POLR1C: variants seen among roughly 807,000 people sequenced by gnomAD.
POLR1C encodes DNA-directed RNA polymerases I and III subunit RPAC1.
In POLR1C, 42 loss-of-function variants were observed where a neutral mutation model predicts 38.3. The observed-to-expected ratio is 1.10, with a 90% CI of 0.86 to 1.42. The LOEUF is 1.42. Among genes scored for constraint, POLR1C ranks in the 40% most tolerant of loss-of-function variants. POLR1C has a pLI of 0.00. For missense variants in POLR1C, 507 were observed against 450.5 expected (o/e 1.13, Z -1.14); for synonymous variants, 163 against 163.9 (o/e 0.99, Z 0.04).
At chr6:43,533,825 T>C (rs2127711216), downstream of POLR1C, 2 of 1,047,842 alleles carry the variant, frequency 1.9e-6, no homozygotes, top group East Asian at 3.1e-5. Flanking sequence ...ACAGAGACTA[T>C]GACTCTTAAA....
chr6:43,536,263 A>C (rs1205279367), intron 9 of POLR1C, among the ~76,000 whole-genome samples: 3 of 151,772 alleles, frequency 2.0e-5, no homozygotes, highest in Non-Finnish European at 1.5e-5. Flanking sequence ...AAAAATATAA[A>C]AATTAGCCGG....
At chr6:43,531,287 CAT>C (rs953103420), downstream of POLR1C, among the ~76,000 whole-genome samples, 1 of 152,194 alleles carries the variant, frequency 6.6e-6, no homozygotes, top group African/African-American at 2.4e-5. Flanking sequence ...TTGTGAGGCT[CAT>C]ATGACAATTA....
intron 9 of POLR1C, among the ~76,000 whole-genome samples, chr6:43,545,461 CT>C (rs949549160): frequency 1.3e-5 from 2 of 151,994 alleles, no homozygotes; most frequent in African/African-American, 4.8e-5. Flanking sequence ...AGTCCCAGCA[CT>C]TTGGGAGGCC....
chr6:43,542,512 C>T (rs148404554), intron 9 of POLR1C, among the ~76,000 whole-genome samples: 345 of 152,160 alleles, frequency 2.3e-3, no homozygotes, highest in East Asian at 0.013. Flanking sequence ...CAAGTTCAAG[C>T]GATTCTCCTA....
At chr6:43,535,250 ACT>A (rs1794243515) in intron 9 of POLR1C, among the ~76,000 whole-genome samples, 2 of 150,414 alleles carry the variant, frequency 1.3e-5, no homozygotes, top group Admixed American at 6.6e-5. Context: ...ACAGAGCGAG[ACT>A]CTGTCTCAAA....
chr6:43,541,231 T>C (rs1275294188), intron 9 of POLR1C, among the ~76,000 whole-genome samples: 1 of 152,198 alleles, frequency 6.6e-6, no homozygotes, highest in Non-Finnish European at 1.5e-5. Context: ...ATTTTGATTG[T>C]ACATTTAAAA....
Position 43,517,309 on chromosome 6 carries a change from C to G in POLR1C, c.73C>G (p.His25Asp). 1 of 1,614,008 alleles carries G rather than the reference C, an allele frequency of 6.2e-7. No homozygotes were observed. Among genetic ancestry groups the G allele is most frequent in the Non-Finnish European group, 8.5e-7 (1 of 1,179,912 alleles). Residue 25 changes from histidine (H) to aspartate (D), a missense_variant, in exon 2 of 9, where the codon CAT becomes GAT. His to Asp is a moderately conservative substitution (Grantham distance 81). Transcript: ENST00000642195. The stretch of plus-strand genomic sequence containing the variant: ...CAAATTCGTCCCTTTGCTCTAGGTC[C>G]ATACTACTGACTTTCCCGGTAACTA... ...VLGEFGVRNVHTTDFPGNYSG... is the reference protein window; with the variant it reads ...VLGEFGVRNVDTTDFPGNYSG...
downstream of POLR1C, among the ~76,000 whole-genome samples, chr6:43,522,141 G>A (rs1214847826): frequency 6.6e-6 from 1 of 152,216 alleles, no homozygotes; most frequent in Non-Finnish European, 1.5e-5. Flanking sequence ...GACACTGTGA[G>A]AATGGTATGG....
intron 10 of POLR1C, chr6:43,560,121 A>G (rs1762338758): frequency 6.4e-7 from 1 of 1,572,010 alleles, no homozygotes; most frequent in Non-Finnish European, 8.7e-7. Flanking sequence ...ACCCAGCCTC[A>G]AAGTCTTATT....
rs1403352651 is a variant in POLR1C, at chr6:43,520,320, A to C, written c.548A>C (p.Asp183Ala). The C allele has an allele frequency of 1.2e-6, 2 of 1,613,148 alleles. No homozygotes were observed. Among genetic ancestry groups the C allele is most frequent in the Non-Finnish European group, 1.7e-6 (2 of 1,180,020 alleles). The stretch of plus-strand genomic sequence containing the variant: ...TGGATCCCCCTGGGGAACCAGGCTG[A>C]TCTCTTTCCAGAGGGCACTATCCGA... ...MTWIPLGNQA[D>A]LFPEGTIRPV... Residue 183 changes from aspartate to alanine, a missense_variant, in exon 6 of 9, where the codon GAT becomes GCT. Physicochemically the swap from Asp to Ala is moderately radical, Grantham distance 126. Transcript: ENST00000642195.
chr6:43,529,101 G>A lies in POLR1C; in HGVS notation c.923-148G>A, dbSNP rs914451551. The A allele has an allele frequency of 1.9e-5, 20 of 1,047,408 alleles. No homozygotes were observed. The African/African-American group carries it at 3.0e-4, about 16-fold the overall frequency. 64.9% of individuals were successfully genotyped at this position (1,047,408 alleles called of 1,614,324 possible). On this transcript the variant is annotated intron_variant, in intron 8 of 8. Coordinates refer to the POLR1C transcript ENST00000304004. ...TTTTCCTAAAATCCTAAATGGCACT[G>A]ATATTGAATTCCATTATACTCTTAG...
At chr6:43,519,947 A>G in intron 4 of POLR1C, 109 bp downstream of exon 4, 1 of 1,541,966 alleles carries the variant, frequency 6.5e-7, no homozygotes, top group Non-Finnish European at 8.8e-7. Context: ...TTCATCTGTG[A>G]GAACACTTGC....
In POLR1C at chr6:43,537,998, T is replaced by C. The variant is rs925035059; in HGVS notation, c.*4+8639T>C. 1.2e-4 allele frequency among the ~76,000 whole-genome samples: 18 copies of C among 148,478 alleles called. 1 individual carries two copies. Among genetic ancestry groups the C allele is most frequent in the East Asian group, 1.2e-3 (6 of 4,986 alleles). On this transcript the variant is annotated intron_variant, in intron 9 of 10. Transcript: ENST00000607635. ...CAGTCGAGAGGCTGAGGCAGGAGAA[T>C]TGCTTGATCCCGGGAGGCGGAGGGT...
chr6:43,556,733 CATT>C (rs1210834714), intron 10 of POLR1C, among the ~76,000 whole-genome samples: 2 of 152,040 alleles, frequency 1.3e-5, no homozygotes, highest in African/African-American at 4.8e-5. Flanking sequence ...TTCATAGCAG[CATT>C]ATTTGTAATA....
Position 43,521,037 on chromosome 6 carries a change from A to G in POLR1C, c.911A>G (p.Asp304Gly), listed in dbSNP as rs1420105572. The G allele has an allele frequency of 6.2e-7, 1 of 1,613,428 alleles. No individual in the cohort carries two copies. The highest frequency in any genetic ancestry group is 1.3e-5 in the African/African-American group (1 of 74,916). ...GTTGTGAGGCTTGCCCGGGTTCGAG[A>G]TCATTATATCTGTGAGTATGAAGTG... ...KKVVRLARVR[D>G]HYIFSVESTG... The change falls in exon 8 of 9, where the codon GAT (aspartate) becomes GGT (glycine). Residue 304 changes from aspartate to glycine, a missense_variant. By Grantham distance (94) the Asp-to-Gly change is moderately conservative. Coordinates refer to ENST00000642195, the MANE Select transcript of POLR1C (RefSeq NM_203290.4).
intron 9 of POLR1C, chr6:43,547,545 A>G: frequency 6.6e-7 from 1 of 1,510,514 alleles, no homozygotes; most frequent in South Asian, 1.1e-5. Flanking sequence ...GAAACTTGAC[A>G]AAAGACAACA....
At chr6:43,558,534 C>G (rs1214210299) in intron 10 of POLR1C, 1 of 1,604,412 alleles carries the variant, frequency 6.2e-7, no homozygotes, top group Non-Finnish European at 8.5e-7. Context: ...TCATCGCTAT[C>G]AAAATCAAAC....
intron 10 of POLR1C, among the ~76,000 whole-genome samples, chr6:43,552,304 C>T (rs1252938353): frequency 6.6e-6 from 1 of 152,070 alleles, no homozygotes; most frequent in African/African-American, 2.4e-5. Context: ...GTGATCCACC[C>T]ACCTTAGCCT....
downstream of POLR1C, chr6:43,526,410 G>T (rs1372215519): frequency 4.1e-6 from 2 of 490,348 alleles, no homozygotes; most frequent in Non-Finnish European, 7.4e-6. Flanking sequence ...GTTGGTCATG[G>T]ACGATCTCTG....
Sources: gnomAD v4.1 joint callset for allele counts (sites outside exome capture counted in the v4.1 genomes callset) on GRCh38, gnomAD v4.1.1 for gene constraint, MANE v1.5 for transcripts, NCBI Gene and HGNC (gene_info 2026-07-23, HGNC 2026-07-21) for gene names.